CTNNA2: variants seen among roughly 807,000 people sequenced by gnomAD.
CTNNA2 encodes catenin alpha 2, also known as catenin alpha-2.
Under a neutral mutation model 101.0 loss-of-function variants are expected in CTNNA2, and 42 were observed. That is an observed-to-expected ratio of 0.42 (90% CI 0.32 to 0.54). The LOEUF is 0.54. Ranked by LOEUF, CTNNA2 falls within the 20% of genes least tolerant of loss-of-function variation. CTNNA2 has a pLI of 0.14. For missense variants in CTNNA2, 871 were observed against 1,223.1 expected, an observed-to-expected ratio of 0.71 and a Z score of 4.29; for synonymous variants, 450 against 456.4, an observed-to-expected ratio of 0.99 and a Z score of 0.18.
At chr2:80,536,834 G>A (rs1282589386) in intron 9 of CTNNA2, among the ~76,000 whole-genome samples, 1 of 152,180 alleles carries the variant, frequency 6.6e-6, no homozygotes, top group Non-Finnish European at 1.5e-5. Flanking sequence ...GTACAGCCAC[G>A]ATGTAGTTTA....
chr2:79,417,968 A>G (rs1442996137), intron 4 of CTNNA2, among the ~76,000 whole-genome samples: 1 of 152,086 alleles, frequency 6.6e-6, no homozygotes, highest in Non-Finnish European at 1.5e-5. Context: ...TTATTATTCA[A>G]ATCAATATCA....
At chr2:79,254,424 G>A (rs1374260406) in intron 2 of CTNNA2, among the ~76,000 whole-genome samples, 2 of 151,928 alleles carry the variant, frequency 1.3e-5, no homozygotes. Flanking sequence ...GTTCTCATGA[G>A]ACCTGGTTGT....
chr2:79,360,878 G>C (rs1677612489), intron 3 of CTNNA2, among the ~76,000 whole-genome samples: 1 of 152,064 alleles, frequency 6.6e-6, no homozygotes. Context: ...AATAAATTGA[G>C]TAAATAAATA....
chr2:79,369,708 T>A (rs1174199515), intron 3 of CTNNA2, among the ~76,000 whole-genome samples: 1 of 152,172 alleles, frequency 6.6e-6, no homozygotes, highest in Middle Eastern at 3.4e-3. Context: ...CTCCTAACAC[T>A]CCTTACACCT....
chr2:80,306,413 TTTC>T (rs1676990774), intron 7 of CTNNA2, among the ~76,000 whole-genome samples: 16 of 135,366 alleles, frequency 1.2e-4, no homozygotes, highest in Admixed American at 6.8e-4. Flanking sequence ...TCTTTCTTTC[TTTC>T]TTTCTTTCTT....
intron 1 of CTNNA2, among the ~76,000 whole-genome samples, chr2:79,596,905 G>A (rs1184914920): frequency 6.6e-6 from 1 of 152,040 alleles, no homozygotes; most frequent in Non-Finnish European, 1.5e-5. Flanking sequence ...GTAGAATGTT[G>A]ACCATTATTC....
intron 2 of CTNNA2, among the ~76,000 whole-genome samples, chr2:79,678,145 GC>G (rs1358437444): frequency 1.3e-5 from 2 of 152,194 alleles, no homozygotes; most frequent in African/African-American, 4.8e-5. Context: ...ACTACTTCGT[GC>G]TTTCCCGTAA....
At chr2:79,624,729 T>C (rs1679200549) in intron 1 of CTNNA2, among the ~76,000 whole-genome samples, 1 of 152,172 alleles carries the variant, frequency 6.6e-6, no homozygotes, top group Non-Finnish European at 1.5e-5. Context: ...GGGAATACCA[T>C]TTCTGTAATC....
chr2:80,639,096 A>G (rs993817547), intron 18 of CTNNA2, among the ~76,000 whole-genome samples: 1 of 152,214 alleles, frequency 6.6e-6, no homozygotes, highest in African/African-American at 2.4e-5. Flanking sequence ...AGAGCTGTAA[A>G]ATATTTGCTT....
chr2:79,456,349 T>C (rs994279274), intron 4 of CTNNA2, among the ~76,000 whole-genome samples: 1 of 152,008 alleles, frequency 6.6e-6, no homozygotes, highest in South Asian at 2.1e-4. Flanking sequence ...TTTTATATAT[T>C]TGGCAGTTAA....
intron 7 of CTNNA2, among the ~76,000 whole-genome samples, chr2:80,196,657 T>C (rs1237681557): frequency 1.3e-5 from 2 of 152,204 alleles, no homozygotes; most frequent in African/African-American, 4.8e-5. Context: ...ACCTAGCTGC[T>C]GGAATGGCCA....
At chr2:80,353,913 A>T (rs1357263167) in intron 7 of CTNNA2, among the ~76,000 whole-genome samples, 3 of 152,192 alleles carry the variant, frequency 2.0e-5, no homozygotes, top group Non-Finnish European at 4.4e-5. Flanking sequence ...TGAAAAAAAT[A>T]AAACAAAACC....
At chr2:79,814,127 C>T (rs958725228) in intron 3 of CTNNA2, among the ~76,000 whole-genome samples, 3 of 152,178 alleles carry the variant, frequency 2.0e-5, no homozygotes, top group Non-Finnish European at 4.4e-5. Flanking sequence ...ACTAAGACTT[C>T]ATCTTAACTA....
chr2:80,184,658 A>G (rs1210443450), intron 7 of CTNNA2, among the ~76,000 whole-genome samples: 4 of 152,134 alleles, frequency 2.6e-5, no homozygotes, highest in African/African-American at 4.8e-5. Context: ...GAACTCCCCA[A>G]TGGATTGGGG....
At position 80,259,390 on chromosome 2, in the gene CTNNA2, G is replaced by T. The variant is rs544706421; in HGVS notation, c.1057-133821G>T. Among the ~76,000 whole-genome samples, 27 of 152,230 alleles carry T rather than the reference G, an allele frequency of 1.8e-4. No individual in the cohort carries two copies. In the East Asian group the frequency reaches 4.8e-3, roughly 27 times the overall value. On this transcript the variant is annotated intron_variant, in intron 7 of 18. Coordinates refer to ENST00000402739, the MANE Select transcript of CTNNA2 (RefSeq NM_001282597.3). ...TCTGCAAGGCCAAACCTCCTGCAGGGCCTTCAATTCCACCTGGTTGCTTGT... is the reference window on the plus strand; with the variant it reads ...TCTGCAAGGCCAAACCTCCTGCAGGTCCTTCAATTCCACCTGGTTGCTTGT...
rs1362998229 is a variant in CTNNA2 at position 79,963,004 on chromosome 2, G to A, written c.1056+53207G>A. Among the ~76,000 whole-genome samples the A allele has an allele frequency of 2.9e-4, 41 of 141,588 alleles. 1 individual carries two copies. The Admixed American group carries it at 3.1e-3, about 11-fold the overall frequency. The allele number at this position is 141,588 out of a possible 152,430, so 92.9% of individuals were successfully genotyped here. ...GAGAACGGTGTGAACCCGGGAGGCG[G>A]AACTTGCAGTGAGCTGAGATTGCGC... On this transcript the variant is annotated intron_variant, in intron 7 of 18. Coordinates refer to ENST00000402739, the MANE Select transcript of CTNNA2 (RefSeq NM_001282597.3).
At chr2:79,923,648 T>C (rs1028630139) in intron 7 of CTNNA2, among the ~76,000 whole-genome samples, 1 of 152,256 alleles carries the variant, frequency 6.6e-6, no homozygotes, top group African/African-American at 2.4e-5. Flanking sequence ...TATTAACTAT[T>C]GTACTGTGTA....
At chr2:79,984,549 T>A (rs1183022479) in intron 7 of CTNNA2, among the ~76,000 whole-genome samples, 3 of 152,240 alleles carry the variant, frequency 2.0e-5, no homozygotes, top group African/African-American at 7.2e-5. Context: ...CTTAATTAAT[T>A]TAAGAGACAT....
chr2:80,095,172 T>C (rs574455731), intron 7 of CTNNA2, among the ~76,000 whole-genome samples: 37 of 152,326 alleles, frequency 2.4e-4, no homozygotes, highest in African/African-American at 6.5e-4. Context: ...TTTTGAGATA[T>C]GTCCCATCAA....
Sources: gnomAD v4.1 joint callset for allele counts (sites outside exome capture counted in the v4.1 genomes callset) on GRCh38, gnomAD v4.1.1 for gene constraint, MANE v1.5 for transcripts, NCBI Gene and HGNC (gene_info 2026-07-23, HGNC 2026-07-21) for gene names.